FAM13A: variants seen among roughly 807,000 people sequenced by gnomAD.
FAM13A encodes the protein family with sequence similarity 13 member A, also known as protein FAM13A.
A neutral mutation model predicts 129.6 loss-of-function variants in FAM13A; 76 were observed. That is an observed-to-expected ratio of 0.59 (90% CI 0.49 to 0.71). The LOEUF (loss-of-function observed/expected upper bound fraction) is 0.71. Among genes scored for constraint, FAM13A ranks in the 30% least tolerant of loss-of-function variants. FAM13A has a pLI of 0.00. For synonymous variants in FAM13A, 443 were observed against 449.9 expected (o/e 0.98, Z 0.20); for missense variants, 1,108 against 1,249.3 (o/e 0.89, Z 1.70).
intron 20 of FAM13A, 68 bp from the exon 21 acceptor site, chr4:88,737,623 C>T (rs965355153): frequency 8.5e-7 from 1 of 1,177,366 alleles, no homozygotes; most frequent in Non-Finnish European, 1.3e-6. Context: ...CTCTCGGCCT[C>T]CTCTGACCTC....
chr4:89,020,263 GTTT>G lies in FAM13A; in HGVS notation c.427+194_427+196del, dbSNP rs34554002. On this transcript the variant is annotated intron_variant, in intron 3 of 23. Coordinates refer to ENST00000264344, the MANE Select transcript of FAM13A (RefSeq NM_014883.4). ...AGTATGTTTACTAAAAATAAAACTG[GTTT>G]TTTTTTTTCTGCCCTTTTTTTTTTT... Among the ~76,000 whole-genome samples the G allele has an allele frequency of 1.4e-3, 203 of 142,802 alleles. 2 individuals carry two copies. The highest frequency in any genetic ancestry group is 5.1e-3 in the African/African-American group (196 of 38,482). 93.7% of individuals were successfully genotyped at this position (142,802 alleles called of 152,430 possible).
chr4:88,849,362 T>C (rs1329420391), intron 7 of FAM13A, among the ~76,000 whole-genome samples: 1 of 152,190 alleles, frequency 6.6e-6, no homozygotes, highest in East Asian at 1.9e-4. Context: ...TAACTCCCTA[T>C]GGTATCTATC....
intron 11 of FAM13A, among the ~76,000 whole-genome samples, chr4:88,772,372 AAG>A (rs1560950491): frequency 6.6e-6 from 1 of 152,234 alleles, no homozygotes; most frequent in Non-Finnish European, 1.5e-5. Flanking sequence ...ATGCCTAAGA[AAG>A]AGTTTGCTAG....
intron 23 of FAM13A, among the ~76,000 whole-genome samples, chr4:88,730,466 C>T (rs1737444618): frequency 6.6e-6 from 1 of 152,168 alleles, no homozygotes; most frequent in Non-Finnish European, 1.5e-5. Flanking sequence ...GATCTCGGCT[C>T]ACTGCAACCT....
chr4:88,981,270 CTAAG>C (rs1761633653), intron 4 of FAM13A, among the ~76,000 whole-genome samples: 1 of 152,114 alleles, frequency 6.6e-6, no homozygotes, highest in South Asian at 2.1e-4. Flanking sequence ...ATTGTACAAA[CTAAG>C]TGTGCACAAT....
chr4:89,053,011 A>G (rs1180438672), intron 1 of FAM13A, among the ~76,000 whole-genome samples: 2 of 152,192 alleles, frequency 1.3e-5, no homozygotes, highest in Non-Finnish European at 2.9e-5. Flanking sequence ...TGAGTAAACT[A>G]TAAGCAGTTA....
In FAM13A at chr4:88,924,897, T is replaced by C. The variant is rs1305534993; in HGVS notation, c.759+13191A>G. Among the ~76,000 whole-genome samples the C allele has an allele frequency of 1.6e-4, 25 of 151,660 alleles. No homozygotes were observed. In the South Asian group the frequency reaches 2.9e-3, roughly 18 times the overall value. ...ACCCCATCAAAAAGTGGGCAAAGGATATGAACAGACACTTTTCAAAAGAAG... is the reference window on the plus strand; with the variant it reads ...ACCCCATCAAAAAGTGGGCAAAGGACATGAACAGACACTTTTCAAAAGAAG... On this transcript the variant is annotated intron_variant, in intron 5 of 23. Transcript: ENST00000264344.
chr4:89,006,533 G>A (rs1375443472), intron 3 of FAM13A, among the ~76,000 whole-genome samples: 1 of 152,204 alleles, frequency 6.6e-6, no homozygotes, highest in African/African-American at 2.4e-5. Context: ...TGGGGCCAGA[G>A]CGAGCACTTT....
chr4:88,993,591 T>A (rs963935724), intron 3 of FAM13A, among the ~76,000 whole-genome samples: 4 of 152,238 alleles, frequency 2.6e-5, no homozygotes, highest in Non-Finnish European at 5.9e-5. Flanking sequence ...AGCATTTTCA[T>A]CATTTTCCAA....
intron 1 of FAM13A, among the ~76,000 whole-genome samples, chr4:89,051,811 A>G (rs1338108323): frequency 6.6e-6 from 1 of 152,170 alleles, no homozygotes; most frequent in South Asian, 2.1e-4. Flanking sequence ...CCAAAACCCA[A>G]TGGAACAAAA....
rs140861844 is a variant in FAM13A, at chr4:88,807,827, C to T, written c.1008-2775G>A. Among the ~76,000 whole-genome samples the T allele has an allele frequency of 1.6e-3, 240 of 152,248 alleles. 4 individuals are homozygous for T. The highest frequency in any genetic ancestry group is 7.7e-4 in the East Asian group (4 of 5,188). On this transcript the variant is annotated intron_variant, in intron 7 of 23. Transcript: ENST00000264344. ...CTTGATAGAAACACAAGATTTTAAT[C>T]ATAAGCAAATATTTTATCTGGCCTG... is the stretch of plus-strand genomic sequence containing the variant.
intron 4 of FAM13A, among the ~76,000 whole-genome samples, chr4:88,945,990 G>GTGTGTGTGTATATATATATATATA: frequency 1.3e-4 from 8 of 61,940 alleles, no homozygotes; most frequent in African/African-American, 1.7e-4. Flanking sequence ...GTGTGTGTGT[G>GTGTGTGTGTATATATATATATATA]TATATATATA....
Position 88,922,409 on chromosome 4 carries a change from G to A in FAM13A, c.759+15679C>T, listed in dbSNP as rs1195805245. ...AGGATTAAGAAACTCACTCAAAACCGCTCAACTACATGGAAACTGAACAAC... is the reference window on the plus strand; with the variant it reads ...AGGATTAAGAAACTCACTCAAAACCACTCAACTACATGGAAACTGAACAAC... On this transcript the variant is annotated intron_variant, in intron 5 of 23. Coordinates refer to ENST00000264344, the MANE Select transcript of FAM13A (RefSeq NM_014883.4). Among the ~76,000 whole-genome samples the A allele has an allele frequency of 5.9e-5, 9 of 152,020 alleles. No homozygotes were observed. In the South Asian group the frequency reaches 1.5e-3, roughly 25 times the overall value.
At chr4:88,982,900 C>T (rs1430998987) in intron 4 of FAM13A, among the ~76,000 whole-genome samples, 1 of 152,200 alleles carries the variant, frequency 6.6e-6, no homozygotes, top group African/African-American at 2.4e-5. Context: ...GTGTTGCCTG[C>T]TTATGGCTCA....
At chr4:88,980,607 T>A (rs950230368) in intron 4 of FAM13A, among the ~76,000 whole-genome samples, 1 of 152,018 alleles carries the variant, frequency 6.6e-6, no homozygotes, top group Non-Finnish European at 1.5e-5. Context: ...ATGCTAAAAA[T>A]TAAGGGAAAA....
At chr4:88,805,401 G>A (rs907037529) in intron 7 of FAM13A, among the ~76,000 whole-genome samples, 22 of 152,254 alleles carry the variant, frequency 1.4e-4, no homozygotes, top group East Asian at 1.4e-3. Flanking sequence ...TCTCAACAAA[G>A]CTGACTGCAG....
At chr4:88,948,755 C>T (rs558932253) in intron 4 of FAM13A, among the ~76,000 whole-genome samples, 20 of 152,180 alleles carry the variant, frequency 1.3e-4, no homozygotes, top group Non-Finnish European at 2.8e-4. Flanking sequence ...TCCCAAAGTG[C>T]TGGGATTACA....
At chr4:88,747,598 C>T (rs1246679601) in intron 18 of FAM13A, 33 bp downstream of exon 18, 4 of 1,572,254 alleles carry the variant, frequency 2.5e-6, no homozygotes, top group South Asian at 1.1e-5. Context: ...ACTGCAATGG[C>T]TTAGGGCTTA....
At chr4:88,963,133 A>G (rs926701132) in intron 4 of FAM13A, among the ~76,000 whole-genome samples, 2 of 152,160 alleles carry the variant, frequency 1.3e-5, no homozygotes, top group African/African-American at 4.8e-5. Context: ...TACTTAAAAA[A>G]AATTTAAAAT....
Sources: gnomAD v4.1 joint callset for allele counts (sites outside exome capture counted in the v4.1 genomes callset) on GRCh38, gnomAD v4.1.1 for gene constraint, MANE v1.5 for transcripts, NCBI Gene and HGNC (gene_info 2026-07-23, HGNC 2026-07-21) for gene names.